PLCG2: variants seen among roughly 807,000 people sequenced by gnomAD.
PLCG2 encodes the protein 1-phosphatidylinositol 4,5-bisphosphate phosphodiesterase gamma-2.
PLCG2 carries 69 observed loss-of-function variants against 175.6 expected under a neutral mutation model. That is an observed-to-expected ratio of 0.39 (90% CI 0.32 to 0.48). PLCG2 has a LOEUF of 0.48. Ranked by LOEUF, PLCG2 falls within the 20% of genes least tolerant of loss-of-function variation. PLCG2 has a pLI of 0.91. For missense variants in PLCG2, 1,798 were observed against 1,650.9 expected (o/e 1.09, Z -1.54); for synonymous variants, 827 against 624.0 (o/e 1.33, Z -4.85).
chr16:81,958,538 T>C lies in PLCG2; in HGVS notation c.*540T>C, dbSNP rs561736549. 5.1e-4 allele frequency: 118 copies of C among 231,522 alleles called. 2 individuals carry two copies. The South Asian group carries it at 0.019, about 38-fold the overall frequency. The allele number at this position is 231,522 out of a possible 1,614,324, so 14.3% of individuals were successfully genotyped here. ...TCAATGTACTTTAACTACCACCGGC[T>C]GCCTGCTGCAGTCCACAAGAAAATG... On this transcript the variant is annotated 3_prime_UTR_variant, in exon 33 of 33. Transcript: ENST00000564138.
intron 21 of PLCG2, 185 bp downstream of exon 21, chr16:81,921,454 G>T: frequency 1.5e-6 from 1 of 647,690 alleles, no homozygotes; most frequent in South Asian, 1.6e-5. Flanking sequence ...CAGGGAAAAT[G>T]TTAATAGAAT....
intron 5 of PLCG2, among the ~76,000 whole-genome samples, chr16:81,863,169 CTG>C (rs751308261): frequency 2.0e-5 from 3 of 152,194 alleles, no homozygotes; most frequent in Non-Finnish European, 4.4e-5. Flanking sequence ...TCATCTCAAA[CTG>C]AGGCTCTGCA....
intron 2 of PLCG2, among the ~76,000 whole-genome samples, chr16:81,815,434 C>T (rs4533279): frequency 1 from 151,618 of 152,346 alleles, 75,448 homozygotes; most frequent in East Asian, 1. Context: ...GTCTTTCCAG[C>T]GGGAAACTGC....
chr16:81,921,379 C>G (rs1910055081), intron 21 of PLCG2, 110 bp downstream of exon 21: 1 of 781,728 alleles, frequency 1.3e-6, no homozygotes, highest in African/African-American at 1.7e-5. Context: ...TTTGGAAAAC[C>G]TGGCCAAAAT....
intron 22 of PLCG2, 141 bp from the exon 23 acceptor site, chr16:81,926,941 T>C: frequency 1.5e-6 from 1 of 656,184 alleles, no homozygotes. Context: ...TGCTCCATTG[T>C]CACAGATAGT....
intron 2 of PLCG2, among the ~76,000 whole-genome samples, chr16:81,800,665 CTATTAT>C (rs59716859): frequency 1.3e-4 from 19 of 151,100 alleles, no homozygotes; most frequent in South Asian, 2.1e-4. Context: ...GATACTATTG[CTATTAT>C]TATTATTATT....
rs1910630037 is a variant in PLCG2, at chr16:81,934,545, C to G, written c.2842+14C>G. 1.4e-6 allele frequency: 2 copies of G among 1,443,488 alleles called. No homozygotes were observed. Among genetic ancestry groups the G allele is most frequent in the Non-Finnish European group, 2.0e-6 (2 of 1,024,886 alleles). The allele number at this position is 1,443,488 out of a possible 1,614,324, so 89.4% of individuals were successfully genotyped here. ...AGGACAACTTAGGTAACATCTTTCC[C>G]AAGAACATGCCCTATAACTCCAATG... On this transcript the variant is annotated intron_variant, in intron 26 of 32. Transcript: ENST00000564138.
rs1362448914 is a variant in PLCG2, at chr16:81,957,048, C to A, written c.3755+169C>A. ...GCATGGTGGCTCATGCCTGTAATCCCAGCACTTTGGGAGGCTGAGGAGGTT... is the reference window on the plus strand; with the variant it reads ...GCATGGTGGCTCATGCCTGTAATCCAAGCACTTTGGGAGGCTGAGGAGGTT... On this transcript the variant is annotated intron_variant, in intron 32 of 32. Coordinates refer to ENST00000564138, the MANE Select transcript of PLCG2 (RefSeq NM_002661.5). 3.3e-5 allele frequency among the ~76,000 whole-genome samples: 5 copies of A among 152,048 alleles called. No individual in the cohort carries two copies. The East Asian group carries it at 9.6e-4, about 29-fold the overall frequency.
At chr16:81,848,712 C>T (rs1906249950) in intron 2 of PLCG2, among the ~76,000 whole-genome samples, 1 of 152,176 alleles carries the variant, frequency 6.6e-6, no homozygotes, top group African/African-American at 2.4e-5. Flanking sequence ...ACTTATTGGG[C>T]CCCGCTGTGT....
chr16:81,804,949 A>G (rs1911925471), intron 2 of PLCG2, among the ~76,000 whole-genome samples: 1 of 152,160 alleles, frequency 6.6e-6, no homozygotes, highest in Non-Finnish European at 1.5e-5. Context: ...GTGTATGGGT[A>G]TTTATTTGTA....
chr16:81,773,164 T>C (rs576875630), intron 2 of PLCG2, among the ~76,000 whole-genome samples: 1 of 152,106 alleles, frequency 6.6e-6, no homozygotes, highest in Non-Finnish European at 1.5e-5. Flanking sequence ...GCATGCTGGG[T>C]GTGGGGGGGC....
At chr16:81,956,900 G>T (rs45491692) in intron 32 of PLCG2, 21 bp downstream of exon 32, 70,173 of 1,603,938 alleles carry the variant, frequency 0.044, 1,836 homozygotes, top group Non-Finnish European at 0.052. Context: ...CCCTCCACCT[G>T]CAAAAACTTT....
chr16:81,929,014 C>G (rs1910392533), intron 24 of PLCG2, among the ~76,000 whole-genome samples: 1 of 152,238 alleles, frequency 6.6e-6, no homozygotes, highest in South Asian at 2.1e-4. Flanking sequence ...CTCTGCCTCT[C>G]TGTCGCTGTG....
At chr16:81,787,724 C>T (rs183658399) in intron 2 of PLCG2, among the ~76,000 whole-genome samples, 2 of 152,158 alleles carry the variant, frequency 1.3e-5, no homozygotes, top group Non-Finnish European at 2.9e-5. Flanking sequence ...TTCACCATCA[C>T]CCCATCCCCT....
chr16:81,845,438 C>G (rs1028289748), intron 2 of PLCG2, among the ~76,000 whole-genome samples: 1 of 152,166 alleles, frequency 6.6e-6, no homozygotes, highest in African/African-American at 2.4e-5. Context: ...CACTATCACT[C>G]CTGTTGTTCA....
chr16:81,789,825 T>C (rs1911147511), intron 2 of PLCG2, among the ~76,000 whole-genome samples: 1 of 149,588 alleles, frequency 6.7e-6, no homozygotes, highest in African/African-American at 2.5e-5. Flanking sequence ...CCTTTCTTTC[T>C]CCTTCCCTTC....
In PLCG2 at chr16:81,961,450, A is replaced by G. The variant is rs1196166524; in HGVS notation, c.*3452A>G. 2.2e-5 allele frequency: 5 copies of G among 225,606 alleles called. No homozygotes were observed. Among genetic ancestry groups the G allele is most frequent in the Admixed American group, 1.7e-4 (3 of 17,510 alleles). 14.0% of individuals were successfully genotyped at this position (225,606 alleles called of 1,614,324 possible). A position where few individuals can be genotyped will look rare whatever the true frequency, so the allele number is the denominator to read the frequency against. On this transcript the variant is annotated 3_prime_UTR_variant, in exon 33 of 33. Transcript: ENST00000564138. ...GCTATGTGTTTATTGATTCAGCTCAATCCAGAGGAAAATTTTAAAGGCTTA... is the reference window on the plus strand; with the variant it reads ...GCTATGTGTTTATTGATTCAGCTCAGTCCAGAGGAAAATTTTAAAGGCTTA...
At chr16:81,912,263 A>C (rs899469714) in intron 18 of PLCG2, among the ~76,000 whole-genome samples, 20 of 150,908 alleles carry the variant, frequency 1.3e-4, no homozygotes, top group African/African-American at 3.7e-4. Flanking sequence ...TGGGGGTCTC[A>C]TTGTGTTGGC....
intron 2 of PLCG2, among the ~76,000 whole-genome samples, chr16:81,787,864 T>G (rs916738654): frequency 2.0e-5 from 3 of 152,186 alleles, no homozygotes; most frequent in Non-Finnish European, 4.4e-5. Context: ...TGACTCAGCA[T>G]TTTTCAAGGT....
Sources: gnomAD v4.1 joint callset for allele counts (sites outside exome capture counted in the v4.1 genomes callset) on GRCh38, gnomAD v4.1.1 for gene constraint, MANE v1.5 for transcripts, NCBI Gene and HGNC (gene_info 2026-07-23, HGNC 2026-07-21) for gene names.